The following GALNT10 variants were observed in gnomAD, a reference collection of about 807,000 sequenced individuals.
The protein encoded by GALNT10 is polypeptide N-acetylgalactosaminyltransferase 10.
A neutral mutation model predicts 75.0 loss-of-function variants in GALNT10; 41 were observed. The ratio of observed to expected loss-of-function variants is 0.55; its 90% CI spans 0.43 to 0.71. The LOEUF (loss-of-function observed/expected upper bound fraction) is 0.71. Ranked by LOEUF, GALNT10 falls within the 30% of genes least tolerant of loss-of-function variation. The pLI is 0.00. For missense variants in GALNT10, 727 were observed against 818.5 expected, an observed-to-expected ratio of 0.89 and a Z score of 1.36; for synonymous variants, 302 against 313.0, an observed-to-expected ratio of 0.96 and a Z score of 0.37.
At chr5:154,414,691 A>C in intron 10 of GALNT10, among the ~76,000 whole-genome samples, 1 of 152,088 alleles carries the variant, frequency 6.6e-6, no homozygotes, top group East Asian at 1.9e-4. Context: ...GTGTAAACAT[A>C]TGTCAAGATG....
intron 1 of GALNT10, among the ~76,000 whole-genome samples, chr5:154,279,323 G>C (rs535916375): frequency 7.5e-6 from 1 of 132,464 alleles, no homozygotes; most frequent in African/African-American, 3.0e-5. Flanking sequence ...TTTTTTTTGA[G>C]ATGGAGCTTT....
At position 154,412,152 on chromosome 5, in the gene GALNT10, T is replaced by C. The variant is rs897172656; in HGVS notation, c.1387-737T>C. Among the ~76,000 whole-genome samples the C allele has an allele frequency of 1.3e-5, 2 of 152,206 alleles. No individual in the cohort carries two copies. Among genetic ancestry groups the C allele is most frequent in the South Asian group, 4.1e-4 (2 of 4,830 alleles). The stretch of plus-strand genomic sequence containing the variant: ...CAGGAAATTGGGTGGTGCATTTTCA[T>C]AGCCACCACAGCCCCCTATCCCTCA... On this transcript the variant is annotated intron_variant, in intron 9 of 11. Transcript: ENST00000297107. The surrounding 1 kb of genome is among the most constrained non-coding windows in gnomAD (Gnocchi z 4.2).
chr5:154,264,393 A>G (rs1195656661), intron 1 of GALNT10, among the ~76,000 whole-genome samples: 1 of 152,092 alleles, frequency 6.6e-6, no homozygotes, highest in Admixed American at 6.5e-5. Context: ...ATTTATATCA[A>G]TGTGATAATA....
At chr5:154,324,129 G>T (rs1469626836) in intron 3 of GALNT10, among the ~76,000 whole-genome samples, 1 of 152,244 alleles carries the variant, frequency 6.6e-6, no homozygotes, top group East Asian at 1.9e-4. Context: ...CACCGTCTCT[G>T]TGCTTCAGGC....
At chr5:154,214,518 C>A (rs551221200) in intron 1 of GALNT10, among the ~76,000 whole-genome samples, 295 of 129,014 alleles carry the variant, frequency 2.3e-3, no homozygotes, top group African/African-American at 6.9e-3. Flanking sequence ...TCACTTTAGA[C>A]TAAAATGCTT....
At chr5:154,368,098 C>A (rs1167728059) in intron 4 of GALNT10, among the ~76,000 whole-genome samples, 4 of 152,184 alleles carry the variant, frequency 2.6e-5, no homozygotes, top group Non-Finnish European at 1.5e-5. Context: ...TAAAATCCGG[C>A]TCAGTGGGCC....
At chr5:154,252,391 A>T (rs1318143467) in intron 1 of GALNT10, among the ~76,000 whole-genome samples, 1 of 152,166 alleles carries the variant, frequency 6.6e-6, no homozygotes, top group Non-Finnish European at 1.5e-5. Context: ...TTTTCTGAGT[A>T]CTTAGATATT....
At chr5:154,269,569 G>T (rs978981259) in intron 1 of GALNT10, among the ~76,000 whole-genome samples, 5 of 152,332 alleles carry the variant, frequency 3.3e-5, no homozygotes, top group Admixed American at 2.0e-4. Flanking sequence ...AGAAATGTGA[G>T]ACTGTCAGAA....
chr5:154,261,374 C>T (rs139748054), intron 1 of GALNT10, among the ~76,000 whole-genome samples: 72 of 152,304 alleles, frequency 4.7e-4, no homozygotes, highest in Non-Finnish European at 2.9e-5. Context: ...ACACCACATA[C>T]TACTGGTGAG....
intron 2 of GALNT10, among the ~76,000 whole-genome samples, chr5:154,297,117 G>A (rs1002644685): frequency 6.6e-6 from 1 of 152,098 alleles, no homozygotes; most frequent in East Asian, 1.9e-4. Context: ...CTATTGCAGG[G>A]GTCGATGTGG....
At chr5:154,287,845 C>T (rs1754134285) in intron 1 of GALNT10, among the ~76,000 whole-genome samples, 1 of 151,762 alleles carries the variant, frequency 6.6e-6, no homozygotes, top group Admixed American at 6.6e-5. Flanking sequence ...CTAAATTAAG[C>T]CCTACCTGGT....
chr5:154,381,776 ATC>A (rs1755738987), intron 6 of GALNT10, among the ~76,000 whole-genome samples: 1 of 152,090 alleles, frequency 6.6e-6, no homozygotes, highest in African/African-American at 2.4e-5. Context: ...GAATCTTCAG[ATC>A]TCTGTTTCCT....
intron 4 of GALNT10, among the ~76,000 whole-genome samples, chr5:154,369,524 T>A (rs1755531427): frequency 6.6e-6 from 1 of 152,196 alleles, no homozygotes; most frequent in African/African-American, 2.4e-5. Flanking sequence ...CATCTTAACA[T>A]TTCCTTTGGT....
intron 3 of GALNT10, among the ~76,000 whole-genome samples, chr5:154,311,159 A>G (rs923290636): frequency 6.6e-6 from 1 of 152,192 alleles, no homozygotes; most frequent in African/African-American, 2.4e-5. Context: ...CTGCAAACAG[A>G]TGCATTTTCT....
intron 1 of GALNT10, among the ~76,000 whole-genome samples, chr5:154,247,328 T>C (rs575677402): frequency 2.0e-5 from 3 of 152,296 alleles, no homozygotes; most frequent in African/African-American, 7.2e-5. Flanking sequence ...TTAAAGTAGT[T>C]TTTTCCAATT....
intron 1 of GALNT10, among the ~76,000 whole-genome samples, chr5:154,293,611 A>ATTTTTTTTTTTTTTTTTTTTTTTTTTTT (rs912343114): frequency 6.2e-5 from 6 of 96,696 alleles, no homozygotes; most frequent in Admixed American, 1.8e-4. Context: ...ATATATATAT[A>ATTTTTTTTTTTTTTTTTTTTTTTTTTTT]TATTTTTTTT....
At chr5:154,278,954 A>C (rs183121611) in intron 1 of GALNT10, among the ~76,000 whole-genome samples, 12 of 152,206 alleles carry the variant, frequency 7.9e-5, no homozygotes. Flanking sequence ...CTATTAATGG[A>C]CACTTGAGTT....
At chr5:154,398,998 G>A (rs1756103806) in intron 7 of GALNT10, among the ~76,000 whole-genome samples, 1 of 152,144 alleles carries the variant, frequency 6.6e-6, no homozygotes, top group African/African-American at 2.4e-5. Flanking sequence ...TTCTCTAAGA[G>A]CCAGGTACCA....
intron 7 of GALNT10, among the ~76,000 whole-genome samples, chr5:154,397,403 C>T (rs1443896198): frequency 1.3e-5 from 2 of 152,156 alleles, no homozygotes; most frequent in African/African-American, 4.8e-5. Context: ...GCCCACAGGA[C>T]ACCATATGGA....
Sources: gnomAD v4.1 joint callset for allele counts (sites outside exome capture counted in the v4.1 genomes callset) on GRCh38, gnomAD v4.1.1 for gene constraint, Gnocchi (gnomAD v3.1) non-coding constraint, MANE v1.5 for transcripts, NCBI Gene and HGNC (gene_info 2026-07-23, HGNC 2026-07-21) for gene names.